Variants in SOX6 observed in about 807,000 individuals in gnomAD.
The protein encoded by SOX6 is SRY-box transcription factor 6, also known as transcription factor SOX-6.
In SOX6, 11 loss-of-function variants were observed where a neutral mutation model predicts 97.8. The ratio of observed to expected loss-of-function variants is 0.11; its 90% CI spans 0.07 to 0.19. SOX6 has a LOEUF of 0.19. Among genes scored for constraint, SOX6 ranks in the 10% least tolerant of loss-of-function variants. The pLI is 1.00. For missense variants in SOX6, 810 were observed against 1,039.5 expected, an observed-to-expected ratio of 0.78 and a Z score of 3.04; for synonymous variants, 360 against 371.4, an observed-to-expected ratio of 0.97 and a Z score of 0.35.
chr11:16,393,468 C>G (rs931037051), intron 1 of SOX6, among the ~76,000 whole-genome samples: 3 of 152,084 alleles, frequency 2.0e-5, no homozygotes, highest in Admixed American at 6.6e-5. Context: ...CATTGCTCTT[C>G]ACTTTCTCTT....
At chr11:16,153,393 G>A (rs1002718633) in intron 6 of SOX6, among the ~76,000 whole-genome samples, 1 of 152,090 alleles carries the variant, frequency 6.6e-6, no homozygotes, top group African/African-American at 2.4e-5. Context: ...AATTTGTTTG[G>A]CGATATGTCA....
intron 3 of SOX6, among the ~76,000 whole-genome samples, chr11:16,617,270 G>A (rs1467666591): frequency 1.3e-5 from 2 of 151,738 alleles, no homozygotes; most frequent in Non-Finnish European, 3.0e-5. Flanking sequence ...TCATCCTCAT[G>A]TTCATTCATG....
intron 12 of SOX6, among the ~76,000 whole-genome samples, chr11:16,036,078 CT>C (rs767508048): frequency 0.042 from 5,618 of 133,736 alleles, 315 homozygotes; most frequent in East Asian, 0.34. Flanking sequence ...TGATTCAACT[CT>C]TTTTTTTTTT....
At chr11:16,348,839 G>A (rs966473967) in intron 1 of SOX6, among the ~76,000 whole-genome samples, 7 of 151,978 alleles carry the variant, frequency 4.6e-5, no homozygotes, top group East Asian at 3.9e-4. Flanking sequence ...CTTCGTTTTC[G>A]TCTTCTAAAG....
intron 13 of SOX6, among the ~76,000 whole-genome samples, chr11:16,008,533 T>C (rs1390663736): frequency 6.6e-6 from 1 of 152,014 alleles, no homozygotes; most frequent in Admixed American, 6.6e-5. Flanking sequence ...TAAGCAACAA[T>C]AAGCAGCAGG....
chr11:16,691,823 C>CAAAAAA, intron 3 of SOX6, among the ~76,000 whole-genome samples: 1 of 152,158 alleles, frequency 6.6e-6, no homozygotes, highest in East Asian at 1.9e-4. Context: ...AAAAACAAAG[C>CAAAAAA]AAAACACCAT....
intron 4 of SOX6, among the ~76,000 whole-genome samples, chr11:16,606,634 G>T (rs1023222165): frequency 6.6e-6 from 1 of 152,160 alleles, no homozygotes; most frequent in Non-Finnish European, 1.5e-5. Context: ...ATACCAATGC[G>T]GGGAGGCGGA....
At chr11:16,480,507 G>A (rs1203550597), upstream of SOX6, among the ~76,000 whole-genome samples, 2 of 152,064 alleles carry the variant, frequency 1.3e-5, no homozygotes, top group African/African-American at 4.8e-5. Flanking sequence ...ACCAAAAATA[G>A]GTAATAGATC....
intron 4 of SOX6, among the ~76,000 whole-genome samples, chr11:16,521,779 C>G (rs1861068944): frequency 6.6e-6 from 1 of 152,108 alleles, no homozygotes; most frequent in African/African-American, 2.4e-5. Flanking sequence ...CAGAGAAGTG[C>G]TTAAAGGAGC....
At chr11:16,470,545 G>A (rs1414760956) in intron 1 of SOX6, among the ~76,000 whole-genome samples, 1 of 152,066 alleles carries the variant, frequency 6.6e-6, no homozygotes, top group Non-Finnish European at 1.5e-5. Flanking sequence ...AGGACCAAAT[G>A]GTCCAGGAAC....
Position 16,145,073 on chromosome 11 carries a change from C to T in SOX6, c.778-33150G>A, listed in dbSNP as rs1178130875. ...AAAAGAGAATTTTCGACCAATATCC[C>T]TGATGAACATCAATGCAAAAATCCT... On this transcript the variant is annotated intron_variant, in intron 6 of 15. Coordinates refer to ENST00000683767, the MANE Select transcript of SOX6 (RefSeq NM_001367873.1). 2.6e-5 allele frequency among the ~76,000 whole-genome samples: 4 copies of T among 152,184 alleles called. No homozygotes were observed. The East Asian group carries it at 7.7e-4, about 29-fold the overall frequency.
At chr11:16,261,701 T>C (rs1281810714) in intron 3 of SOX6, among the ~76,000 whole-genome samples, 1 of 151,970 alleles carries the variant, frequency 6.6e-6, no homozygotes, top group Non-Finnish European at 1.5e-5. Flanking sequence ...GGTCAGACCA[T>C]TAGTCTTTAG....
chr11:16,619,375 A>C (rs1848512836), intron 3 of SOX6, among the ~76,000 whole-genome samples: 2 of 151,108 alleles, frequency 1.3e-5, no homozygotes, highest in South Asian at 4.2e-4. Context: ...ATTTTTCTTT[A>C]CTCAAAATGA....
At chr11:16,103,436 C>T (rs1848999435) in intron 7 of SOX6, among the ~76,000 whole-genome samples, 1 of 151,672 alleles carries the variant, frequency 6.6e-6, no homozygotes, top group Non-Finnish European at 1.5e-5. Flanking sequence ...TAAACTAGTA[C>T]AAACACTATG....
At chr11:16,283,543 A>AGC (rs1459113773) in intron 3 of SOX6, among the ~76,000 whole-genome samples, 1 of 151,832 alleles carries the variant, frequency 6.6e-6, no homozygotes, top group Non-Finnish European at 1.5e-5. Flanking sequence ...AGTTAGAAAC[A>AGC]CATACATAAA....
chr11:16,107,406 T>TATAC (rs1491144671), intron 7 of SOX6, among the ~76,000 whole-genome samples: 3 of 141,974 alleles, frequency 2.1e-5, no homozygotes, highest in Non-Finnish European at 4.5e-5. Context: ...TATATATATG[T>TATAC]ATATATATAT....
intron 13 of SOX6, among the ~76,000 whole-genome samples, chr11:15,995,747 T>G (rs1339486101): frequency 2.6e-5 from 4 of 152,102 alleles, no homozygotes; most frequent in Non-Finnish European, 5.9e-5. Flanking sequence ...AGGGACATAT[T>G]ACTTACGGGG....
intron 3 of SOX6, chr11:16,315,625 A>T (rs1855737809): frequency 6.6e-6 from 1 of 152,192 alleles, no homozygotes. Flanking sequence ...AGAATATTCC[A>T]TATAGACAGC....
At chr11:16,170,381 T>G (rs929847184) in intron 6 of SOX6, among the ~76,000 whole-genome samples, 2 of 151,990 alleles carry the variant, frequency 1.3e-5, no homozygotes, top group African/African-American at 4.8e-5. Context: ...AAAAAACCTT[T>G]CTATCATTCA....
Sources: gnomAD v4.1 joint callset for allele counts (sites outside exome capture counted in the v4.1 genomes callset) on GRCh38, gnomAD v4.1.1 for gene constraint, MANE v1.5 for transcripts, NCBI Gene and HGNC (gene_info 2026-07-23, HGNC 2026-07-21) for gene names.